LAMA3: variants seen among roughly 807,000 people sequenced by gnomAD.
LAMA3 encodes laminin subunit alpha 3, also known as laminin subunit alpha-3.
LAMA3 carries 281 observed loss-of-function variants against 402.0 expected under a neutral mutation model. That is an observed-to-expected ratio of 0.70 (90% CI 0.63 to 0.77). The LOEUF (loss-of-function observed/expected upper bound fraction) is 0.77, where lower values mean the gene tolerates loss of function less well. LAMA3 is among the 30% of genes least tolerant of loss of function. The pLI is 0.00. For missense variants in LAMA3, 3,840 were observed against 4,215.5 expected (o/e 0.91, Z 2.47); for synonymous variants, 1,431 against 1,558.4 (o/e 0.92, Z 1.93).
chr18:23,834,213 C>T (rs889630709), intron 24 of LAMA3: 1 of 542,760 alleles, frequency 1.8e-6, no homozygotes. Flanking sequence ...AAGCTGTATG[C>T]TGTACTTAGC....
chr18:23,726,422 CCT>C (rs528321107), intron 2 of LAMA3, among the ~76,000 whole-genome samples: 174 of 152,198 alleles, frequency 1.1e-3, no homozygotes, highest in Middle Eastern at 0.01. Context: ...TTTGTAAATC[CCT>C]GTGTTCATGG....
rs563206041 is a variant in LAMA3, at chr18:23,768,409, C to G, written c.1182+4886C>G. On this transcript the variant is annotated intron_variant, in intron 8 of 74. Transcript: ENST00000313654. ...AAAAATGCTCCATATCACTAATCAT[C>G]ATAGAAATGCATGTCAAAACCACAA... Among the ~76,000 whole-genome samples the G allele has an allele frequency of 1.8e-4, 27 of 152,272 alleles. No individual in the cohort carries two copies. In the South Asian group the frequency reaches 3.9e-3, roughly 22 times the overall value.
At chr18:23,851,465 G>A (rs1017609739) in intron 32 of LAMA3, among the ~76,000 whole-genome samples, 18 of 152,134 alleles carry the variant, frequency 1.2e-4, no homozygotes, top group Non-Finnish European at 2.5e-4. Context: ...TCTGTCCTCT[G>A]GGCCTTAGGT....
intron 2 of LAMA3, among the ~76,000 whole-genome samples, chr18:23,733,463 T>C (rs2146018143): frequency 8.8e-6 from 1 of 113,876 alleles, no homozygotes; most frequent in South Asian, 2.9e-4. Flanking sequence ...TATAAAACCA[T>C]CAGGTCTTGT....
Position 23,933,796 on chromosome 18 carries a change from C to T in LAMA3, c.8723C>T (p.Pro2908Leu). ...NVFVQRLSLS[P>L]EVLDLTSNSL... ...TCTTTTTCCAGGTTATCACTGAGTC[C>T]TGAAGTCCTAGATTTGACCAGTAAC... The change falls in exon 67 of 75, where the codon CCT becomes CTT. Residue 2908 changes from proline to leucine, a missense_variant. By Grantham distance (98) the Pro-to-Leu change is moderately conservative (BLOSUM62 -3). Around this residue, in one of 3 missense-constraint regions of LAMA3, gnomAD observed 840 missense variants for 981.9 expected, o/e 0.86. Transcript: ENST00000313654. 8.7e-6 allele frequency: 14 copies of T among 1,614,144 alleles called. No homozygotes were observed. The highest frequency in any genetic ancestry group is 1.2e-5 in the Non-Finnish European group (14 of 1,180,002).
intron 12 of LAMA3, among the ~76,000 whole-genome samples, chr18:23,794,836 T>A (rs2062731534): frequency 6.6e-6 from 1 of 152,242 alleles, no homozygotes; most frequent in South Asian, 2.1e-4. Flanking sequence ...TTTTGATTTG[T>A]TTCTAGGGAA....
At chr18:23,919,214 T>A (rs1444885713) in intron 60 of LAMA3, among the ~76,000 whole-genome samples, 1 of 152,166 alleles carries the variant, frequency 6.6e-6, no homozygotes, top group African/African-American at 2.4e-5. Context: ...AAAGGCAAGG[T>A]TTAGGATCCA....
In LAMA3 at chr18:23,939,140, G is replaced by A. The variant is rs2082403756; in HGVS notation, c.8863-83G>A. ...ACTGAATTCCTCACTTAGGATCAAG[G>A]GTGAAAATTAAGCAATGTACTTAGC... On this transcript the variant is annotated intron_variant, in intron 67 of 74. Transcript: ENST00000313654. The A allele has an allele frequency of 1.2e-5, 17 of 1,403,374 alleles. No individual in the cohort carries two copies. In the Admixed American group the frequency reaches 2.8e-4, roughly 24 times the overall value. 86.9% of individuals were successfully genotyped at this position (1,403,374 alleles called of 1,614,324 possible). A position where few individuals can be genotyped will look rare whatever the true frequency, so the allele number is the denominator to read the frequency against.
At chr18:23,763,048 G>C (rs1301663537) in intron 7 of LAMA3, among the ~76,000 whole-genome samples, 1 of 151,978 alleles carries the variant, frequency 6.6e-6, no homozygotes, top group African/African-American at 2.4e-5. Flanking sequence ...GTAGAGACAG[G>C]GTTTCACCAT....
intron 10 of LAMA3, among the ~76,000 whole-genome samples, chr18:23,776,782 C>A (rs1274050046): frequency 1.3e-5 from 2 of 151,810 alleles, no homozygotes; most frequent in African/African-American, 4.8e-5. Flanking sequence ...GATGAGACAC[C>A]ACATCAGAAT....
In LAMA3 at chr18:23,943,874, A is replaced by G. The variant is rs754835049; in HGVS notation, c.9113A>G (p.Tyr3038Cys). Residue 3038 changes from tyrosine to cysteine, a missense_variant, in exon 69 of 75, where the codon TAT becomes TGT. Coordinates refer to ENST00000313654, the MANE Select transcript of LAMA3 (RefSeq NM_198129.4). ...TGTKNSFMAL[Y>C]LSKGRLVFAL... The stretch of plus-strand genomic sequence containing the variant: ...ACTAAGAACTCCTTTATGGCTCTTT[A>G]TCTTTCAAAAGGACGTCTGGTCTTT... The G allele has an allele frequency of 1.9e-6, 3 of 1,614,054 alleles. No homozygotes were observed. Among genetic ancestry groups the G allele is most frequent in the Admixed American group, 1.7e-5 (1 of 60,016 alleles).
chr18:23,845,095 C>T lies in LAMA3; in HGVS notation c.3690C>T (p.Thr1230=), dbSNP rs1350087006. ...KSMDKSLEFI[T]NCGKNSFYLD... Reference sequence around the variant, plus strand: ...TGGACAAGTCACTCGAGTTTATCACCAATTGTGGAAAAAACAGCTTTTACC... The same window carrying T: ...TGGACAAGTCACTCGAGTTTATCACTAATTGTGGAAAAAACAGCTTTTACC... The change falls in exon 30 of 75, where the codon ACC becomes ACT. Residue 1230 remains threonine (T), a synonymous_variant. Transcript: ENST00000313654. The T allele has an allele frequency of 1.2e-6, 2 of 1,610,358 alleles. No homozygotes were observed. Among genetic ancestry groups the T allele is most frequent in the Non-Finnish European group, 1.7e-6 (2 of 1,176,644 alleles).
intron 52 of LAMA3, 135 bp from the exon 53 acceptor site, chr18:23,907,415 G>A (rs1464051445): frequency 6.7e-6 from 5 of 751,164 alleles, no homozygotes; most frequent in South Asian, 4.2e-5. Context: ...CATGCAGTGG[G>A]CATCTCTGAG....
At chr18:23,825,756 A>T (rs2063370174) in intron 21 of LAMA3, among the ~76,000 whole-genome samples, 1 of 152,162 alleles carries the variant, frequency 6.6e-6, no homozygotes, top group Non-Finnish European at 1.5e-5. Context: ...CGGAAAGTAG[A>T]AGTTCATTAT....
chr18:23,928,899 A>C, intron 64 of LAMA3, 134 bp downstream of exon 64: 1 of 863,396 alleles, frequency 1.2e-6, no homozygotes, highest in Non-Finnish European at 1.9e-6. Flanking sequence ...GCTATTGTAT[A>C]GTTCAACCAT....
At chr18:23,910,361 G>A (rs2081387402) in intron 55 of LAMA3, among the ~76,000 whole-genome samples, 1 of 152,174 alleles carries the variant, frequency 6.6e-6, no homozygotes, top group South Asian at 2.1e-4. Flanking sequence ...AGGGTTAAAT[G>A]AGCTAATGTG....
chr18:23,952,895 AG>A lies in LAMA3; in HGVS notation c.9737-93del, dbSNP rs2082967067. On this transcript the variant is annotated intron_variant, in intron 73 of 74. Transcript: ENST00000313654. ...AAATTTCTGCAAACAGCACTCCCAC[AG>A]GTCTAGTATGAAGGAGTTAAAACAA... The A allele has an allele frequency of 1.9e-6, 3 of 1,549,224 alleles. No individual in the cohort carries two copies. In the East Asian group the frequency reaches 6.8e-5, roughly 35 times the overall value.
intron 12 of LAMA3, among the ~76,000 whole-genome samples, chr18:23,803,861 A>G (rs1217822533): frequency 2.0e-5 from 3 of 152,190 alleles, no homozygotes; most frequent in African/African-American, 2.4e-5. Context: ...ACTGATCACA[A>G]GGAACTCACC....
At chr18:23,846,667 C>T (rs1172233544) in intron 31 of LAMA3, among the ~76,000 whole-genome samples, 159 bp downstream of exon 31, 1 of 152,218 alleles carries the variant, frequency 6.6e-6, no homozygotes, top group Non-Finnish European at 1.5e-5. Flanking sequence ...GCCTGAGTCT[C>T]TACATTTCCA....
Sources: allele counts gnomAD v4.1 joint callset (sites outside exome capture counted in the v4.1 genomes callset), GRCh38; gene constraint gnomAD v4.1.1; regional missense constraint gnomAD v4.1.1; transcripts MANE v1.5; gene names NCBI Gene and HGNC (gene_info 2026-07-23, HGNC 2026-07-21).